PCDHGA1: variants seen among roughly 807,000 people sequenced by gnomAD.
The protein encoded by PCDHGA1 is protocadherin gamma-A1.
Under a neutral mutation model 58.0 loss-of-function variants are expected in PCDHGA1, and 32 were observed. The ratio of observed to expected loss-of-function variants is 0.55; its 90% CI spans 0.42 to 0.74. PCDHGA1 has a LOEUF of 0.74. Ranked by LOEUF, PCDHGA1 falls within the 30% of genes least tolerant of loss-of-function variation. PCDHGA1 has a pLI of 0.00. For synonymous variants in PCDHGA1, 498 were observed against 501.1 expected (o/e 0.99, Z 0.08); for missense variants, 1,205 against 1,182.3 (o/e 1.02, Z -0.28).
chr5:141,476,642 C>T lies in PCDHGA1; in HGVS notation c.2422-18165C>T. On this transcript the variant is annotated intron_variant, in intron 1 of 3. Transcript: ENST00000517417. This position sits in a 1 kb window ranked among gnomAD's most constrained non-coding sequence, Gnocchi z 7.6. The stretch of plus-strand genomic sequence containing the variant: ...CTCTTTACAAACCTATGAGCTGAGC[C>T]GAAATGAATACTTTGCGCTTCGCGT... The T allele has an allele frequency of 1.9e-6, 3 of 1,614,240 alleles. No individual in the cohort carries two copies. The highest frequency in any genetic ancestry group is 2.5e-6 in the Non-Finnish European group (3 of 1,180,050).
intron 1 of PCDHGA1, chr5:141,364,932 A>G (rs1447586286): frequency 6.2e-7 from 1 of 1,613,886 alleles, no homozygotes. Context: ...CAGCCCCTAG[A>G]CCGCGAGAAA....
intron 1 of PCDHGA1, among the ~76,000 whole-genome samples, chr5:141,463,088 C>T (rs768488458): frequency 6.6e-6 from 1 of 152,108 alleles, no homozygotes; most frequent in Non-Finnish European, 1.5e-5. Flanking sequence ...ATTTTCCAGC[C>T]CTATGTGACC....
intron 1 of PCDHGA1, chr5:141,357,443 C>A (rs1161118434): frequency 1.9e-6 from 3 of 1,614,104 alleles, no homozygotes; most frequent in Non-Finnish European, 2.5e-6. Flanking sequence ...GGGGTTCGGG[C>A]TTTCCTGCAG....
rs778744503 is a variant in PCDHGA1, at chr5:141,511,152, G to A, written c.2775G>A (p.Ser925=). Residue 925 remains serine (S), a synonymous_variant, in exon 4 of 4, where the codon TCG becomes TCA. Transcript: ENST00000517417. The part of the protein sequence containing the change: ...PAGGNGNKKK[S]GKKEKK ...GTGGCAATGGCAACAAGAAGAAGTCGGGCAAGAAGGAGAAGAAGTAACATG... is the reference window on the plus strand; with the variant it reads ...GTGGCAATGGCAACAAGAAGAAGTCAGGCAAGAAGGAGAAGAAGTAACATG... The A allele has an allele frequency of 2.0e-5, 32 of 1,614,022 alleles. No individual in the cohort carries two copies. Among genetic ancestry groups the A allele is most frequent in the South Asian group, 4.4e-5 (4 of 91,090 alleles).
intron 1 of PCDHGA1, chr5:141,376,039 C>T (rs1772194852): frequency 7.4e-6 from 12 of 1,613,226 alleles, no homozygotes; most frequent in Non-Finnish European, 1.0e-5. Context: ...ACGGCCAGCC[C>T]CCTCTCTCCG....
intron 3 of PCDHGA1, among the ~76,000 whole-genome samples, chr5:141,507,479 C>T (rs1050741571): frequency 1.3e-5 from 2 of 152,198 alleles, no homozygotes; most frequent in East Asian, 1.9e-4. Flanking sequence ...GACTGCTGGC[C>T]TCCTGAGGCA....
At position 141,374,676 on chromosome 5, in the gene PCDHGA1, G is replaced by T. The variant is rs372705367; in HGVS notation, c.2421+41571G>T. ...AAGTACCCGGAGCTGGTGCTGGAGG[G>T]CACACTGGACCGGGAAGGAGAAGCC... On this transcript the variant is annotated intron_variant, in intron 1 of 3. Coordinates refer to ENST00000517417, the MANE Select transcript of PCDHGA1 (RefSeq NM_018912.3). 8 of 1,610,386 alleles carry T rather than the reference G, an allele frequency of 5.0e-6. No individual in the cohort carries two copies. The African/African-American group carries it at 1.1e-4, about 22-fold the overall frequency.
chr5:141,393,571 A>G, intron 1 of PCDHGA1: 4 of 1,613,974 alleles, frequency 2.5e-6, no homozygotes, highest in Non-Finnish European at 3.4e-6. Flanking sequence ...AAAGTCCTTG[A>G]GAACATGCCC....
At chr5:141,365,439 G>A (rs1010180647) in intron 1 of PCDHGA1, 3 of 1,613,890 alleles carry the variant, frequency 1.9e-6, no homozygotes, top group Non-Finnish European at 2.5e-6. Context: ...GCGCTGTTTA[G>A]CGTACATGAT....
chr5:141,434,789 T>C (rs2097718008), intron 1 of PCDHGA1, among the ~76,000 whole-genome samples: 1 of 152,008 alleles, frequency 6.6e-6, no homozygotes, highest in African/African-American at 2.4e-5. Context: ...AAAAAATTTT[T>C]TTTTCTGAGC....
In PCDHGA1 at chr5:141,477,875, G is replaced by A. The variant is rs760433987; in HGVS notation, c.2422-16932G>A. Reference sequence around the variant, plus strand: ...GATGCTGCCTCGAGGTACCTCAGCTGGCCACCTAGTGTCACGGGTGGTAGG... The same window carrying A: ...GATGCTGCCTCGAGGTACCTCAGCTAGCCACCTAGTGTCACGGGTGGTAGG... On this transcript the variant is annotated intron_variant, in intron 1 of 3. Coordinates refer to ENST00000517417, the MANE Select transcript of PCDHGA1 (RefSeq NM_018912.3). The surrounding 1 kb of genome is among the most constrained non-coding windows in gnomAD (Gnocchi z 4.9). 1 of 1,614,162 alleles carries A rather than the reference G, an allele frequency of 6.2e-7. No homozygotes were observed. Among genetic ancestry groups the A allele is most frequent in the Non-Finnish European group, 8.5e-7 (1 of 1,180,028 alleles).
intron 1 of PCDHGA1, chr5:141,422,513 G>A (rs765955739): frequency 6.2e-7 from 1 of 1,614,000 alleles, no homozygotes. Context: ...ACAGACCAGG[G>A]AAGCCCGCCT....
At position 141,409,826 on chromosome 5, in the gene PCDHGA1, C is replaced by T. The variant is rs565116840; in HGVS notation, c.2421+76721C>T. 14 of 1,611,108 alleles carry T rather than the reference C, an allele frequency of 8.7e-6. No homozygotes were observed. The highest frequency in any genetic ancestry group is 1.3e-5 in the African/African-American group (1 of 75,000). On this transcript the variant is annotated intron_variant, in intron 1 of 3. Coordinates refer to ENST00000517417, the MANE Select transcript of PCDHGA1 (RefSeq NM_018912.3). ...GGCCCGCGACCACGGCTCGCCCACG[C>T]TCAGCGCCAACGTGAGCCTGCGCGT...
At chr5:141,336,524 A>C (rs1756623046) in intron 1 of PCDHGA1, among the ~76,000 whole-genome samples, 1 of 152,254 alleles carries the variant, frequency 6.6e-6, no homozygotes, top group African/African-American at 2.4e-5. Context: ...AAATTTCAAT[A>C]AGGAAGGAGC....
intron 1 of PCDHGA1, chr5:141,395,547 TG>T (rs5871772): frequency 0.053 from 9,293 of 174,278 alleles, 481 homozygotes; most frequent in Middle Eastern, 0.08. Flanking sequence ...ATTGTTTGTG[TG>T]TGTGTGTGTG....
rs147522770 is a variant in PCDHGA1, at chr5:141,504,573, C to T, written c.2481-820C>T. On this transcript the variant is annotated intron_variant, in intron 2 of 3. Coordinates refer to ENST00000517417, the MANE Select transcript of PCDHGA1 (RefSeq NM_018912.3). ...TGGGGGACTGGCATTCTAGGGAACA[C>T]CATCTGCCCAGGATTCACAGCAAGA... Among the ~76,000 whole-genome samples the T allele has an allele frequency of 5.4e-5, 8 of 148,158 alleles. No individual in the cohort carries two copies. In the East Asian group the frequency reaches 1.6e-3, roughly 30 times the overall value.
intron 1 of PCDHGA1, among the ~76,000 whole-genome samples, chr5:141,434,848 C>T (rs1224972794): frequency 6.6e-6 from 1 of 151,786 alleles, no homozygotes; most frequent in Non-Finnish European, 1.5e-5. Context: ...AAGCAGACAT[C>T]AATAAATTTA....
chr5:141,352,748 A>G, intron 1 of PCDHGA1: 1 of 1,432,690 alleles, frequency 7.0e-7, no homozygotes, highest in South Asian at 1.3e-5. Context: ...CCAGCACTTA[A>G]CCAGGCTGAG....
At chr5:141,346,332 C>T (rs956205597) in intron 1 of PCDHGA1, 1 of 1,614,212 alleles carries the variant, frequency 6.2e-7, no homozygotes, top group Non-Finnish European at 8.5e-7. Flanking sequence ...GCGGAAGAGC[C>T]ACCTGATTTT....
Sources: gnomAD v4.1 joint callset for allele counts (sites outside exome capture counted in the v4.1 genomes callset) on GRCh38, gnomAD v4.1.1 for gene constraint, Gnocchi (gnomAD v3.1) non-coding constraint, MANE v1.5 for transcripts, NCBI Gene and HGNC (gene_info 2026-07-23, HGNC 2026-07-21) for gene names.